Variants in ALDH1A1 observed in about 807,000 individuals in gnomAD.
ALDH1A1 encodes aldehyde dehydrogenase 1 family member A1.
Under a neutral mutation model 62.1 loss-of-function variants are expected in ALDH1A1, and 19 were observed. The observed-to-expected ratio is 0.31, with a 90% CI of 0.21 to 0.45. ALDH1A1 has a LOEUF of 0.45. Among genes scored for constraint, ALDH1A1 ranks in the 20% least tolerant of loss-of-function variants. ALDH1A1 has a pLI of 1.00. For missense variants in ALDH1A1, 521 were observed against 607.1 expected, an observed-to-expected ratio of 0.86 and a Z score of 1.49; for synonymous variants, 231 against 215.9, an observed-to-expected ratio of 1.07 and a Z score of -0.61.
At chr9:72,909,316 T>G (rs138872466) in intron 11 of ALDH1A1, among the ~76,000 whole-genome samples, 168 of 151,682 alleles carry the variant, frequency 1.1e-3, no homozygotes, top group African/African-American at 3.7e-3. Flanking sequence ...ATCACACCCA[T>G]CTAATTTTTG....
At position 72,912,162 on chromosome 9, in the gene ALDH1A1, A is replaced by C. The variant is rs201341791; in HGVS notation, c.1036-40T>G. On this transcript the variant is annotated intron_variant, in intron 9 of 12. Coordinates refer to ENST00000297785, the MANE Select transcript of ALDH1A1 (RefSeq NM_000689.5). Reference sequence around the variant, plus strand: ...TCACATGAAAAGAAAAAAAGTAGTCACTTGTAAAGATAACACATTGCTGGG... The same window carrying C: ...TCACATGAAAAGAAAAAAAGTAGTCCCTTGTAAAGATAACACATTGCTGGG... 533 of 1,566,858 alleles carry C rather than the reference A, an allele frequency of 3.4e-4. 1 individual carries two copies. The African/African-American group carries it at 6.6e-3, about 19-fold the overall frequency.
intron 11 of ALDH1A1, 95 bp from the exon 12 acceptor site, chr9:72,906,127 A>G (rs1829875801): frequency 2.4e-6 from 2 of 842,384 alleles, no homozygotes; most frequent in Admixed American, 2.7e-5. Context: ...CTCCTTACAA[A>G]CTCCATTAAT....
At chr9:72,937,443 C>T (rs879410343) in intron 2 of ALDH1A1, among the ~76,000 whole-genome samples, 6 of 152,052 alleles carry the variant, frequency 3.9e-5, no homozygotes, top group East Asian at 1.9e-4. Context: ...GTATAAAACC[C>T]GGGCATGACT....
chr9:72,916,992 T>C lies in ALDH1A1; in HGVS notation c.963A>G (p.Arg321=), dbSNP rs1477002156. The C allele has an allele frequency of 6.2e-7, 1 of 1,613,968 alleles. No homozygotes were observed. The highest frequency in any genetic ancestry group is 2.2e-5 in the East Asian group (1 of 44,874). The change falls in exon 9 of 13, where the codon CGA becomes CGG. Residue 321 remains arginine (R), a synonymous_variant. Coordinates refer to ENST00000297785, the MANE Select transcript of ALDH1A1 (RefSeq NM_000689.5). ...ACTTCTTAGCCCGCTCAACACTCCTTCGAACAAACTCATCATAAATTGATT... is the reference window on the plus strand; with the variant it reads ...ACTTCTTAGCCCGCTCAACACTCCTCCGAACAAACTCATCATAAATTGATT... The part of the protein sequence containing the change: ...VEESIYDEFV[R]RSVERAKKYI...
chr9:72,947,976 G>C (rs911868895), intron 1 of ALDH1A1, among the ~76,000 whole-genome samples: 4 of 151,908 alleles, frequency 2.6e-5, no homozygotes, highest in Non-Finnish European at 5.9e-5. Flanking sequence ...TTGGGAAAGA[G>C]AATCAAGGAG....
intron 8 of ALDH1A1, 123 bp from the exon 9 acceptor site, chr9:72,917,227 A>G: frequency 1.5e-6 from 1 of 675,778 alleles, no homozygotes; most frequent in Non-Finnish European, 2.1e-6. Context: ...TGGGCTCAGT[A>G]TAGTTTACCT....
At position 72,916,988 on chromosome 9, in the gene ALDH1A1, T is replaced by C. The variant is rs973936519; in HGVS notation, c.967A>G (p.Ser323Gly). Residue 323 changes from serine (S) to glycine (G), a missense_variant, in exon 9 of 13, where the codon AGT (serine) becomes GGT (glycine). Ser to Gly is a moderately conservative substitution (Grantham distance 56, BLOSUM62 0). Transcript: ENST00000297785. ...ESIYDEFVRR[S>G]VERAKKYILG... is the part of the protein sequence containing the mutation. ...ATATACTTCTTAGCCCGCTCAACAC[T>C]CCTTCGAACAAACTCATCATAAATT... is the stretch of plus-strand genomic sequence containing the variant. 1 of 1,613,894 alleles carries C rather than the reference T, an allele frequency of 6.2e-7. No individual in the cohort carries two copies. Among genetic ancestry groups the C allele is most frequent in the Non-Finnish European group, 8.5e-7 (1 of 1,179,868 alleles).
intron 6 of ALDH1A1, among the ~76,000 whole-genome samples, chr9:72,925,033 T>C (rs1830187063): frequency 6.6e-6 from 1 of 152,196 alleles, no homozygotes. Flanking sequence ...TGAAAAGTGT[T>C]TGGAAATAAT....
In ALDH1A1 at chr9:72,953,024, A is replaced by G. The variant is rs1382511997; in HGVS notation, c.-24T>C. 6.2e-7 allele frequency: 1 copy of G among 1,612,550 alleles called. No homozygotes were observed. The highest frequency in any genetic ancestry group is 8.5e-7 in the Non-Finnish European group (1 of 1,178,962). On this transcript the variant is annotated 5_prime_UTR_variant, in exon 1 of 13. Transcript: ENST00000297785. ...ATTTCTGATTCGGCTCCTGGAACAC[A>G]GGTGACTGGCTCAGCAATTTGGTTC...
chr9:72,901,431 A>T (rs1829802145), intron 12 of ALDH1A1, 151 bp from the exon 13 acceptor site: 1 of 493,400 alleles, frequency 2.0e-6, no homozygotes, highest in South Asian at 5.0e-5. Context: ...TATAGTAGCT[A>T]GCCAATCATA....
At chr9:72,937,297 C>T (rs1830357757) in intron 2 of ALDH1A1, among the ~76,000 whole-genome samples, 1 of 149,578 alleles carries the variant, frequency 6.7e-6, no homozygotes, top group Admixed American at 6.6e-5. Flanking sequence ...TTGATCTCTG[C>T]AAGAAGCATA....
At chr9:72,947,667 T>C (rs1163399639) in intron 1 of ALDH1A1, among the ~76,000 whole-genome samples, 1 of 151,888 alleles carries the variant, frequency 6.6e-6, no homozygotes, top group Non-Finnish European at 1.5e-5. Flanking sequence ...GGTTTTGATA[T>C]TTAAGGAAAA....
rs8187956 is a variant in ALDH1A1 at position 72,917,552 on chromosome 9, A to T, written c.851-448T>A. Among the ~76,000 whole-genome samples the T allele has an allele frequency of 3.3e-3, 504 of 152,288 alleles. 4 individuals are homozygous for T. Among genetic ancestry groups the T allele is most frequent in the African/African-American group, 0.012 (492 of 41,588 alleles). ...AATACTCTACTCAACAGGAAATGTG[A>T]TCTTTGTGGGAAAGAAAAACAAAAT... On this transcript the variant is annotated intron_variant, in intron 8 of 12. Transcript: ENST00000297785.
rs1371923187 is a variant in ALDH1A1, at chr9:72,924,103, A to G, written c.663T>C (p.Ile221=). The change falls in exon 7 of 13, where the codon ATT becomes ATC. Residue 221 remains isoleucine, a synonymous_variant. Coordinates refer to ENST00000297785, the MANE Select transcript of ALDH1A1 (RefSeq NM_000689.5). The part of the protein sequence containing the change: ...EAGFPPGVVN[I]VPGYGPTAGA... ...CTGCTGTAGGCCCATAACCAGGAAC[A>G]ATATTCACTACTCCAGGAGGAAACC... The G allele has an allele frequency of 8.1e-6, 13 of 1,612,376 alleles. No individual in the cohort carries two copies. Among genetic ancestry groups the G allele is most frequent in the Non-Finnish European group, 1.1e-5 (13 of 1,179,214 alleles).
At chr9:72,928,803 CT>C (rs1170395899) in intron 4 of ALDH1A1, 88 bp downstream of exon 4, 2 of 1,370,442 alleles carry the variant, frequency 1.5e-6, no homozygotes, top group African/African-American at 2.9e-5. Flanking sequence ...TGGTTGACAT[CT>C]TTAAAAGGGA....
At position 72,930,927 on chromosome 9, in the gene ALDH1A1, T is replaced by C. The variant is rs1417637685; in HGVS notation, c.264A>G (p.Leu88=). 3.1e-6 allele frequency: 5 copies of C among 1,614,078 alleles called. No individual in the cohort carries two copies. In the South Asian group the frequency reaches 3.3e-5, roughly 11 times the overall value. ...CGATTAAATCAGCCAACTTGTATAA[T>C]AGTCGCCCCCTCTCGGAAGCATCCA... ...RTMDASERGR[L]LYKLADLIER... is the part of the protein sequence containing the mutation. The change falls in exon 3 of 13, where the codon CTA becomes CTG. Residue 88 remains leucine, a synonymous_variant. Coordinates refer to ENST00000297785, the MANE Select transcript of ALDH1A1 (RefSeq NM_000689.5).
intron 6 of ALDH1A1, among the ~76,000 whole-genome samples, chr9:72,924,888 G>A (rs1830185184): frequency 6.6e-6 from 1 of 152,166 alleles, no homozygotes; most frequent in Non-Finnish European, 1.5e-5. Context: ...TGAATTGTTT[G>A]CAAGTATATT....
At chr9:72,946,280 C>A (rs960706164) in intron 1 of ALDH1A1, among the ~76,000 whole-genome samples, 4 of 151,906 alleles carry the variant, frequency 2.6e-5, no homozygotes, top group African/African-American at 9.7e-5. Context: ...ATTCCTTTGA[C>A]ATCTAAAAAA....
intron 2 of ALDH1A1, among the ~76,000 whole-genome samples, chr9:72,933,465 T>C (rs1032266172): frequency 3.3e-5 from 5 of 151,986 alleles, no homozygotes; most frequent in Non-Finnish European, 5.9e-5. Context: ...CGTGTGCCTG[T>C]AGTCCCAGCT....
Sources: allele counts gnomAD v4.1 joint callset (sites outside exome capture counted in the v4.1 genomes callset), GRCh38; gene constraint gnomAD v4.1.1; transcripts MANE v1.5; gene names NCBI Gene and HGNC (gene_info 2026-07-23, HGNC 2026-07-21).